Variants in MACROD2 observed in about 807,000 individuals in gnomAD.
MACROD2 encodes the protein mono-ADP ribosylhydrolase 2, also known as ADP-ribose glycohydrolase MACROD2.
MACROD2 carries 36 observed loss-of-function variants against 70.4 expected under a neutral mutation model. That is an observed-to-expected ratio of 0.51 (90% CI 0.39 to 0.68). MACROD2 has a LOEUF of 0.68. Among genes scored for constraint, MACROD2 ranks in the 30% least tolerant of loss-of-function variants. The pLI is 0.00. For synonymous variants in MACROD2, 172 were observed against 178.8 expected, an observed-to-expected ratio of 0.96 and a Z score of 0.30; for missense variants, 496 against 538.4, an observed-to-expected ratio of 0.92 and a Z score of 0.78.
At position 15,225,035 on chromosome 20, in the gene MACROD2, G is replaced by A; in HGVS notation, c.419-4905G>A. ...TATGTAAACTGATGTCACACTCAGT[G>A]TACATATTAAAATTATAGTAAAACT... is the stretch of plus-strand genomic sequence containing the variant. On this transcript the variant is annotated intron_variant, in intron 5 of 17. Coordinates refer to ENST00000684519, the MANE Select transcript of MACROD2 (RefSeq NM_001351661.2). Among the ~76,000 whole-genome samples the A allele has an allele frequency of 2.0e-5, 3 of 151,270 alleles. No individual in the cohort carries two copies. In the South Asian group the frequency reaches 6.3e-4, roughly 32 times the overall value.
intron 3 of MACROD2, among the ~76,000 whole-genome samples, chr20:14,104,469 G>T (rs894564363): frequency 6.6e-6 from 1 of 152,192 alleles, no homozygotes; most frequent in Non-Finnish European, 1.5e-5. Flanking sequence ...GATTGCTGAA[G>T]TTCCTCAGAG....
intron 3 of MACROD2, among the ~76,000 whole-genome samples, chr20:14,454,996 C>T (rs2084285496): frequency 6.6e-6 from 1 of 151,814 alleles, no homozygotes; most frequent in Admixed American, 6.6e-5. Flanking sequence ...TCGTGATCCG[C>T]CTGCCTTGGC....
At chr20:14,194,594 A>G (rs2081415023) in intron 3 of MACROD2, among the ~76,000 whole-genome samples, 1 of 152,174 alleles carries the variant, frequency 6.6e-6, no homozygotes, top group Non-Finnish European at 1.5e-5. Context: ...ACACAGCTCT[A>G]ACTCCACTGA....
intron 5 of MACROD2, among the ~76,000 whole-genome samples, chr20:15,096,268 A>AG (rs1420110251): frequency 6.6e-6 from 1 of 151,986 alleles, no homozygotes; most frequent in Non-Finnish European, 1.5e-5. Flanking sequence ...AGTCCCCTGC[A>AG]GGGTACTCTA....
intron 5 of MACROD2, among the ~76,000 whole-genome samples, chr20:15,015,616 G>A (rs1045376649): frequency 6.6e-6 from 1 of 152,198 alleles, no homozygotes; most frequent in South Asian, 2.1e-4. Flanking sequence ...TTAATCTTCA[G>A]TACTTGGAAG....
chr20:14,890,064 G>C (rs2073733820), intron 5 of MACROD2, among the ~76,000 whole-genome samples: 1 of 152,100 alleles, frequency 6.6e-6, no homozygotes, highest in South Asian at 2.1e-4. Context: ...ATGACTCCAA[G>C]GGTTTCTGTC....
chr20:15,400,262 G>A (rs566795885), intron 6 of MACROD2, among the ~76,000 whole-genome samples: 1 of 152,164 alleles, frequency 6.6e-6, no homozygotes, highest in Non-Finnish European at 1.5e-5. Context: ...CCCCAGTTTA[G>A]CTTCTGCATA....
At chr20:14,505,989 A>G (rs1380133087) in intron 4 of MACROD2, among the ~76,000 whole-genome samples, 2 of 152,178 alleles carry the variant, frequency 1.3e-5, no homozygotes, top group Non-Finnish European at 2.9e-5. Flanking sequence ...ATCTATGGCA[A>G]CCTTGCTCCC....
chr20:14,261,042 G>A (rs1372285799), intron 3 of MACROD2, among the ~76,000 whole-genome samples: 3 of 152,154 alleles, frequency 2.0e-5, no homozygotes, highest in Admixed American at 6.6e-5. Flanking sequence ...AAATCAGTAG[G>A]TACATATTAT....
chr20:14,235,460 T>C (rs967317998), intron 3 of MACROD2, among the ~76,000 whole-genome samples: 22 of 152,138 alleles, frequency 1.4e-4, no homozygotes, highest in African/African-American at 5.3e-4. Context: ...CATCAGGCAG[T>C]AGAACTCCTG....
At chr20:15,916,324 G>A (rs1474626490) in intron 10 of MACROD2, among the ~76,000 whole-genome samples, 1 of 152,174 alleles carries the variant, frequency 6.6e-6, no homozygotes, top group Non-Finnish European at 1.5e-5. Context: ...CTGAGAGCAA[G>A]GCACGGGGGA....
chr20:14,490,168 A>G (rs1251338161), intron 3 of MACROD2, among the ~76,000 whole-genome samples: 4 of 152,188 alleles, frequency 2.6e-5, no homozygotes, highest in Admixed American at 6.5e-5. Flanking sequence ...GTGAGTATTT[A>G]TAGCTATAGA....
At chr20:14,316,573 T>C (rs1003173387) in intron 3 of MACROD2, among the ~76,000 whole-genome samples, 1 of 152,164 alleles carries the variant, frequency 6.6e-6, no homozygotes, top group Non-Finnish European at 1.5e-5. Flanking sequence ...TGATTTATTT[T>C]TTATTTTTAG....
intron 2 of MACROD2, among the ~76,000 whole-genome samples, chr20:14,055,991 A>T (rs1294338468): frequency 9.2e-5 from 14 of 152,274 alleles, no homozygotes; most frequent in African/African-American, 3.4e-4. Flanking sequence ...TGTGTTACCG[A>T]CATTTCTGTT....
At chr20:14,156,279 G>C (rs1196209808) in intron 3 of MACROD2, among the ~76,000 whole-genome samples, 2 of 152,106 alleles carry the variant, frequency 1.3e-5, no homozygotes, top group Non-Finnish European at 2.9e-5. Flanking sequence ...GCATTTTTTG[G>C]CTCTATTTCC....
intron 3 of MACROD2, chr20:14,086,358 TG>T (rs2054076756): frequency 4.6e-6 from 1 of 218,418 alleles, no homozygotes; most frequent in Non-Finnish European, 9.7e-6. Context: ...ATAACAGCCG[TG>T]ATTCTACAAA....
At chr20:15,124,944 C>T (rs16995330) in intron 5 of MACROD2, among the ~76,000 whole-genome samples, 9,487 of 151,888 alleles carry the variant, frequency 0.062, 358 homozygotes, top group Middle Eastern at 0.16. Flanking sequence ...GTTATTCATC[C>T]TAATTTTCAA....
chr20:15,401,031 G>C (rs2045921828), intron 6 of MACROD2, among the ~76,000 whole-genome samples: 1 of 150,046 alleles, frequency 6.7e-6, no homozygotes, highest in African/African-American at 2.5e-5. Flanking sequence ...GGATCTGAAG[G>C]GCAGCTTGTT....
rs987734874 is a variant in MACROD2 at position 14,885,578 on chromosome 20, G to A, written c.418+200619G>A. The stretch of plus-strand genomic sequence containing the variant: ...TATAATTTCTCAAACATCCTCTATT[G>A]CTGTAAGAGTAAAGTGCAAATTTGT... On this transcript the variant is annotated intron_variant, in intron 5 of 17. Coordinates refer to ENST00000684519, the MANE Select transcript of MACROD2 (RefSeq NM_001351661.2). Among the ~76,000 whole-genome samples the A allele has an allele frequency of 2.0e-5, 3 of 152,052 alleles. No homozygotes were observed. In the South Asian group the frequency reaches 6.3e-4, roughly 32 times the overall value.
Sources: allele counts gnomAD v4.1 joint callset (sites outside exome capture counted in the v4.1 genomes callset), GRCh38; gene constraint gnomAD v4.1.1; transcripts MANE v1.5; gene names NCBI Gene and HGNC (gene_info 2026-07-23, HGNC 2026-07-21).